The following CDH13 variants were observed in gnomAD, a reference collection of about 807,000 sequenced individuals.
CDH13 encodes the protein cadherin 13.
In CDH13, 24 loss-of-function variants were observed where a neutral mutation model predicts 63.8. That is an observed-to-expected ratio of 0.38 (90% CI 0.27 to 0.53). The LOEUF (loss-of-function observed/expected upper bound fraction) is 0.53. Among genes scored for constraint, CDH13 ranks in the 20% least tolerant of loss-of-function variants. The pLI, the probability that CDH13 is intolerant of heterozygous loss-of-function variation, is 0.85. For missense variants in CDH13, 1,049 were observed against 903.1 expected, an observed-to-expected ratio of 1.16 and a Z score of -2.07; for synonymous variants, 503 against 355.3, an observed-to-expected ratio of 1.42 and a Z score of -4.67.
chr16:83,603,415 G>A (rs1908036447), intron 8 of CDH13, among the ~76,000 whole-genome samples: 1 of 152,208 alleles, frequency 6.6e-6, no homozygotes, highest in African/African-American at 2.4e-5. Flanking sequence ...ATTTGACTGT[G>A]TGAGCCTGGC....
intron 1 of CDH13, among the ~76,000 whole-genome samples, chr16:82,828,190 G>C (rs1193777282): frequency 1.3e-5 from 2 of 152,202 alleles, no homozygotes; most frequent in Non-Finnish European, 2.9e-5. Context: ...TTGAGGAAGA[G>C]AGGGCAAGGG....
At chr16:82,759,111 A>G (rs1401924706) in intron 1 of CDH13, among the ~76,000 whole-genome samples, 3 of 152,178 alleles carry the variant, frequency 2.0e-5, no homozygotes, top group African/African-American at 7.2e-5. Context: ...GTCTCTCTTA[A>G]CTGTTGAGAG....
chr16:83,537,207 A>C (rs1263244186), intron 7 of CDH13, among the ~76,000 whole-genome samples: 1 of 152,234 alleles, frequency 6.6e-6, no homozygotes, highest in Non-Finnish European at 1.5e-5. Context: ...TCTACAAAGA[A>C]GGTACAGAAT....
chr16:83,657,909 T>A (rs1475697787), intron 8 of CDH13, among the ~76,000 whole-genome samples: 4 of 150,134 alleles, frequency 2.7e-5, no homozygotes, highest in Non-Finnish European at 4.4e-5. Flanking sequence ...TCCCATATCC[T>A]CACCAGCAAG....
At chr16:83,597,314 C>T (rs1308832671) in intron 7 of CDH13, among the ~76,000 whole-genome samples, 1 of 152,128 alleles carries the variant, frequency 6.6e-6, no homozygotes, top group African/African-American at 2.4e-5. Context: ...TGGATCTGTA[C>T]ATTGGACTAT....
intron 8 of CDH13, among the ~76,000 whole-genome samples, chr16:83,611,789 A>G (rs1255180815): frequency 1.3e-5 from 2 of 152,094 alleles, no homozygotes; most frequent in African/African-American, 4.8e-5. Context: ...GTGGTTTTCT[A>G]GAAGTATATT....
chr16:83,603,787 T>C (rs1157135286), intron 8 of CDH13, among the ~76,000 whole-genome samples: 1 of 152,100 alleles, frequency 6.6e-6, no homozygotes, highest in East Asian at 1.9e-4. Context: ...GACTGGGTAA[T>C]TTACAAAGAA....
intron 1 of CDH13, among the ~76,000 whole-genome samples, chr16:82,857,365 G>A (rs917338154): frequency 3.3e-5 from 5 of 152,202 alleles, no homozygotes; most frequent in African/African-American, 1.2e-4. Flanking sequence ...GTGTTACGGA[G>A]CCTCTTCTCT....
intron 1 of CDH13, among the ~76,000 whole-genome samples, chr16:82,666,679 A>G (rs1478230900): frequency 6.6e-6 from 1 of 152,240 alleles, no homozygotes; most frequent in Admixed American, 6.5e-5. Flanking sequence ...CACGAAGAAC[A>G]TCTTTCTTAT....
At position 83,406,492 on chromosome 16, in the gene CDH13, C is replaced by G. The variant is rs530017549; in HGVS notation, c.781+61486C>G. On this transcript the variant is annotated intron_variant, in intron 6 of 13. Transcript: ENST00000567109. ...CTCTCTTTCTTTCTTTCAGTGGAGT[C>G]TTGCTTCATCGCCCAGGCTGGAGTG... Among the ~76,000 whole-genome samples, 13 of 150,204 alleles carry G rather than the reference C, an allele frequency of 8.7e-5. No homozygotes were observed. In the South Asian group the frequency reaches 2.7e-3, roughly 32 times the overall value.
chr16:83,476,087 A>G (rs966967661), intron 6 of CDH13, among the ~76,000 whole-genome samples: 1 of 152,224 alleles, frequency 6.6e-6, no homozygotes, highest in Non-Finnish European at 1.5e-5. Context: ...ATAAAAACTC[A>G]TCTTTTATTT....
At chr16:82,961,783 G>A (rs1392879274) in intron 2 of CDH13, among the ~76,000 whole-genome samples, 2 of 152,128 alleles carry the variant, frequency 1.3e-5, no homozygotes, top group Admixed American at 6.5e-5. Flanking sequence ...TTTGGCCTCT[G>A]CAGAGGATAA....
At chr16:83,386,558 T>G (rs978645213) in intron 6 of CDH13, among the ~76,000 whole-genome samples, 12 of 152,166 alleles carry the variant, frequency 7.9e-5, no homozygotes, top group Non-Finnish European at 1.2e-4. Flanking sequence ...ACCCGGATAG[T>G]ATTACCCACC....
intron 1 of CDH13, among the ~76,000 whole-genome samples, chr16:82,797,789 G>A (rs2036660108): frequency 6.6e-6 from 1 of 151,104 alleles, no homozygotes; most frequent in South Asian, 2.1e-4. Flanking sequence ...GTGTGTGTGT[G>A]TGTGTGTGTG....
chr16:83,573,974 AGAG>A (rs1346305009), intron 7 of CDH13, among the ~76,000 whole-genome samples: 1 of 152,156 alleles, frequency 6.6e-6, no homozygotes, highest in Middle Eastern at 3.2e-3. Context: ...CGGGATTTAA[AGAG>A]GAGATGAGGA....
At chr16:82,843,173 A>G (rs2039104916) in intron 1 of CDH13, among the ~76,000 whole-genome samples, 1 of 152,194 alleles carries the variant, frequency 6.6e-6, no homozygotes, top group Admixed American at 6.5e-5. Context: ...AGTCTTTCCT[A>G]TAATGTTCTG....
intron 10 of CDH13, among the ~76,000 whole-genome samples, chr16:83,722,939 TCATG>T (rs1909889996): frequency 2.0e-5 from 3 of 152,232 alleles, no homozygotes; most frequent in Admixed American, 6.5e-5. Flanking sequence ...AGTTCCTAAA[TCATG>T]CACCTGACAG....
intron 1 of CDH13, among the ~76,000 whole-genome samples, chr16:82,728,382 T>C (rs1685266037): frequency 6.6e-6 from 1 of 152,134 alleles, no homozygotes. Flanking sequence ...ACCTCAGAGA[T>C]ATTGCAGGTT....
chr16:82,642,045 C>T (rs1909468107), intron 1 of CDH13, among the ~76,000 whole-genome samples: 2 of 151,166 alleles, frequency 1.3e-5, no homozygotes, highest in African/African-American at 4.9e-5. Flanking sequence ...CTTATGACAC[C>T]CCTATGCGGT....
Sources: allele counts gnomAD v4.1 joint callset (sites outside exome capture counted in the v4.1 genomes callset), GRCh38; gene constraint gnomAD v4.1.1; transcripts MANE v1.5; gene names NCBI Gene and HGNC (gene_info 2026-07-23, HGNC 2026-07-21).